NTRK2: variants seen among roughly 807,000 people sequenced by gnomAD.
The protein encoded by NTRK2 is neurotrophic receptor tyrosine kinase 2.
Under a neutral mutation model 94.5 loss-of-function variants are expected in NTRK2, and 13 were observed. The observed-to-expected ratio is 0.14, with a 90% CI of 0.09 to 0.22. The LOEUF (loss-of-function observed/expected upper bound fraction) is 0.22, where lower values mean the gene tolerates loss of function less well. NTRK2 is among the 10% of genes least tolerant of loss of function. The pLI is 1.00. For missense variants in NTRK2, 639 were observed against 1,071.2 expected (o/e 0.60, Z 5.63); for synonymous variants, 372 against 407.4 (o/e 0.91, Z 1.05).
At chr9:84,985,264 TG>T (rs1828154882) in intron 17 of NTRK2, among the ~76,000 whole-genome samples, 1 of 152,218 alleles carries the variant, frequency 6.6e-6, no homozygotes, top group South Asian at 2.1e-4. Flanking sequence ...CCCTATAATT[TG>T]TATCTCAATT....
intron 17 of NTRK2, among the ~76,000 whole-genome samples, chr9:85,011,706 G>A (rs1831592842): frequency 6.6e-6 from 1 of 152,144 alleles, no homozygotes; most frequent in African/African-American, 2.4e-5. Context: ...GTTGGTCTGT[G>A]GAACTTTCCT....
chr9:84,940,134 C>G (rs1354453099), intron 15 of NTRK2, among the ~76,000 whole-genome samples: 6 of 152,190 alleles, frequency 3.9e-5, no homozygotes, highest in Non-Finnish European at 7.4e-5. Context: ...GGGGTCCACT[C>G]TACCCAACCC....
intron 7 of NTRK2, 100 bp downstream of exon 7, chr9:84,723,809 G>A (rs927242606): frequency 6.7e-7 from 1 of 1,489,220 alleles, no homozygotes; most frequent in African/African-American, 1.4e-5. Flanking sequence ...ATTTTATAAG[G>A]CTACATATAG....
At chr9:84,972,897 A>C (rs1445161883) in intron 17 of NTRK2, among the ~76,000 whole-genome samples, 2 of 152,226 alleles carry the variant, frequency 1.3e-5, no homozygotes, top group Non-Finnish European at 1.5e-5. Flanking sequence ...TCCTCTGTGC[A>C]CAGGGAAACA....
At chr9:84,830,639 C>A (rs902044845) in intron 12 of NTRK2, among the ~76,000 whole-genome samples, 8 of 151,924 alleles carry the variant, frequency 5.3e-5, no homozygotes, top group Non-Finnish European at 8.8e-5. Context: ...GATTATTGAA[C>A]AAAATATGCT....
At chr9:84,683,699 A>T (rs56134320) in intron 2 of NTRK2, among the ~76,000 whole-genome samples, 4,028 of 152,294 alleles carry the variant, frequency 0.026, 72 homozygotes, top group Admixed American at 0.044. Context: ...CTTTGGGTAT[A>T]TACCCTTTAA....
chr9:84,683,211 A>G (rs977901637), intron 2 of NTRK2, among the ~76,000 whole-genome samples: 1 of 152,130 alleles, frequency 6.6e-6, no homozygotes, highest in African/African-American at 2.4e-5. Context: ...TCCGGGATAC[A>G]TGTGCAGAAT....
intron 12 of NTRK2, among the ~76,000 whole-genome samples, chr9:84,798,912 C>CTATAAATATATATATA (rs2069994609): frequency 7.8e-6 from 1 of 128,036 alleles, no homozygotes; most frequent in Non-Finnish European, 1.6e-5. Context: ...CTTCTAAGTG[C>CTATAAATATATATATA]TATATATATA....
At position 85,023,737 on chromosome 9, in the gene NTRK2, G is replaced by A. The variant is rs951158058; in HGVS notation, c.*2300G>A. The A allele has an allele frequency of 4.3e-5, 10 of 230,990 alleles. No homozygotes were observed. Among genetic ancestry groups the A allele is most frequent in the Middle Eastern group, 1.3e-3 (1 of 800 alleles). The allele number at this position is 230,990 out of a possible 1,614,324, so 14.3% of individuals were successfully genotyped here. ...TTAAAACACTGTAGAACTCTGTGAC[G>A]CAGTAAGGAAGGGGCAGATTTGTAC... On this transcript the variant is annotated 3_prime_UTR_variant, in exon 19 of 19. Transcript: ENST00000277120.
At chr9:84,991,301 C>A (rs1402825682) in intron 17 of NTRK2, among the ~76,000 whole-genome samples, 1 of 152,168 alleles carries the variant, frequency 6.6e-6, no homozygotes, top group African/African-American at 2.4e-5. Flanking sequence ...GTTAACGAGA[C>A]AAGGACATAG....
intron 17 of NTRK2, among the ~76,000 whole-genome samples, chr9:84,983,511 T>C (rs1041144204): frequency 6.6e-6 from 1 of 152,200 alleles, no homozygotes; most frequent in African/African-American, 2.4e-5. Context: ...TAAGGTTGAT[T>C]AAATTTTTAT....
intron 16 of NTRK2, among the ~76,000 whole-genome samples, chr9:84,952,156 A>G (rs535341622): frequency 6.6e-6 from 1 of 152,334 alleles, no homozygotes; most frequent in South Asian, 2.1e-4. Context: ...CGTCATTCCT[A>G]CGTTACAGTT....
intron 12 of NTRK2, among the ~76,000 whole-genome samples, chr9:84,776,635 T>C (rs1361435811): frequency 6.6e-6 from 1 of 152,192 alleles, no homozygotes; most frequent in Non-Finnish European, 1.5e-5. Flanking sequence ...ACATGAGATT[T>C]TGGGGTCAGA....
At chr9:84,937,504 T>C (rs1157545508) in intron 15 of NTRK2, among the ~76,000 whole-genome samples, 1 of 152,200 alleles carries the variant, frequency 6.6e-6, no homozygotes, top group Admixed American at 6.5e-5. Context: ...GAAGTGATCC[T>C]AAGGCATGTG....
intron 17 of NTRK2, among the ~76,000 whole-genome samples, chr9:84,984,475 CAAA>C (rs1358322119): frequency 1.4e-4 from 5 of 36,896 alleles, no homozygotes; most frequent in African/African-American, 3.4e-4. Flanking sequence ...ATATCTCAAA[CAAA>C]CAAACAAACA....
At chr9:84,874,605 C>G (rs142576757) in intron 14 of NTRK2, 82 of 1,062,168 alleles carry the variant, frequency 7.7e-5, no homozygotes, top group Middle Eastern at 8.3e-4. Context: ...AACACTTTCT[C>G]TAACCCACGG....
At chr9:84,959,278 G>C (rs983669739) in intron 17 of NTRK2, among the ~76,000 whole-genome samples, 1 of 152,118 alleles carries the variant, frequency 6.6e-6, no homozygotes, top group Non-Finnish European at 1.5e-5. Context: ...AGTTGTGTGT[G>C]GGTTTTTTTT....
chr9:84,940,796 C>A (rs1242548533), intron 15 of NTRK2, among the ~76,000 whole-genome samples: 1 of 151,484 alleles, frequency 6.6e-6, no homozygotes, highest in African/African-American at 2.4e-5. Context: ...GTGCTCTACC[C>A]AGGTAAGGTT....
intron 17 of NTRK2, among the ~76,000 whole-genome samples, chr9:85,001,388 A>T (rs1053863109): frequency 6.6e-6 from 1 of 152,150 alleles, no homozygotes; most frequent in African/African-American, 2.4e-5. Flanking sequence ...TTTTCAGATG[A>T]TGGGCAAGCG....
Sources: allele counts gnomAD v4.1 joint callset (sites outside exome capture counted in the v4.1 genomes callset), GRCh38; gene constraint gnomAD v4.1.1; transcripts MANE v1.5; gene names NCBI Gene and HGNC (gene_info 2026-07-23, HGNC 2026-07-21).